EHMT1: variants seen among roughly 807,000 people sequenced by gnomAD.
EHMT1 encodes histone-lysine N-methyltransferase EHMT1.
Under a neutral mutation model 147.2 loss-of-function variants are expected in EHMT1, and 15 were observed. The ratio of observed to expected loss-of-function variants is 0.10; its 90% CI spans 0.07 to 0.16. The LOEUF (loss-of-function observed/expected upper bound fraction) is 0.16, where lower values mean the gene tolerates loss of function less well. Among genes scored for constraint, EHMT1 ranks in the 10% least tolerant of loss-of-function variants. The pLI is 1.00. For synonymous variants in EHMT1, 795 were observed against 709.6 expected (o/e 1.12, Z -1.91); for missense variants, 1,587 against 1,772.4 (o/e 0.90, Z 1.88).
At chr9:137,671,439 AG>A (rs1940616168) in intron 1 of EHMT1, among the ~76,000 whole-genome samples, 1 of 151,852 alleles carries the variant, frequency 6.6e-6, no homozygotes, top group African/African-American at 2.4e-5. Flanking sequence ...AAAAACCTGA[AG>A]GGAAGATGAC....
At chr9:137,785,793 A>G (rs12002515) in intron 15 of EHMT1, 7,442 of 152,314 alleles carry the variant, frequency 0.049, 601 homozygotes, top group African/African-American at 0.17. Flanking sequence ...CGTGAGACAC[A>G]GCGTTGCTGG....
chr9:137,715,692 A>G, intron 2 of EHMT1: 1 of 985,320 alleles, frequency 1.0e-6, no homozygotes, highest in Non-Finnish European at 1.2e-6. Flanking sequence ...CCTGGATATG[A>G]TTTCCTGGGG....
At chr9:137,767,002 T>C (rs949471440) in intron 10 of EHMT1, among the ~76,000 whole-genome samples, 7 of 152,148 alleles carry the variant, frequency 4.6e-5, no homozygotes, top group Non-Finnish European at 7.4e-5. Flanking sequence ...TATTTTTATT[T>C]TGTAGAGATG....
rs1251920588 is a variant in EHMT1, at chr9:137,723,214, C to T, written c.643-5135C>T. ...GTGTCTGTGGTTCTGGGCCTGAGCC[C>T]GGGGTGTGCCTGTGTCCGTGGTTCT... On this transcript the variant is annotated intron_variant, in intron 3 of 26. Coordinates refer to ENST00000460843, the MANE Select transcript of EHMT1 (RefSeq NM_024757.5). Among the ~76,000 whole-genome samples the T allele has an allele frequency of 3.9e-5, 3 of 77,278 alleles. 1 individual carries two copies. Among genetic ancestry groups the T allele is most frequent in the Non-Finnish European group, 5.2e-5 (2 of 38,184 alleles). 50.7% of individuals were successfully genotyped at this position (77,278 alleles called of 152,430 possible). A position where few individuals can be genotyped will look rare whatever the true frequency, so the allele number is the denominator to read the frequency against.
chr9:137,815,392 C>G (rs1416067104), intron 22 of EHMT1: 2 of 202,498 alleles, frequency 9.9e-6, no homozygotes, highest in East Asian at 1.1e-4. Context: ...CAGAGCAGCC[C>G]CTGAAGCCGT....
At chr9:137,805,422 G>A (rs1953866428) in intron 18 of EHMT1, among the ~76,000 whole-genome samples, 1 of 152,182 alleles carries the variant, frequency 6.6e-6, no homozygotes, top group African/African-American at 2.4e-5. Flanking sequence ...GTCCACATGT[G>A]TGTAAAGTCA....
intron 21 of EHMT1, 175 bp from the exon 22 acceptor site, chr9:137,814,256 C>A (rs911953743): frequency 1.4e-5 from 10 of 713,830 alleles, no homozygotes; most frequent in Admixed American, 1.2e-4. Context: ...CACAGGCACT[C>A]GACATGTTTC....
intron 1 of EHMT1, among the ~76,000 whole-genome samples, chr9:137,628,240 C>T (rs1157153633): frequency 6.6e-6 from 1 of 152,182 alleles, no homozygotes; most frequent in Non-Finnish European, 1.5e-5. Context: ...TTTCTCCTTC[C>T]TCTACTCTGT....
intron 6 of EHMT1, among the ~76,000 whole-genome samples, chr9:137,748,446 C>T (rs1432430498): frequency 6.6e-6 from 1 of 152,136 alleles, no homozygotes; most frequent in African/African-American, 2.4e-5. Context: ...TGGGGCCGTC[C>T]TGGAGGAGGT....
At chr9:137,630,845 G>A (rs907298794) in intron 1 of EHMT1, among the ~76,000 whole-genome samples, 25 of 152,110 alleles carry the variant, frequency 1.6e-4, no homozygotes, top group African/African-American at 5.6e-4. Flanking sequence ...AAGCTGGAGA[G>A]GCAGGGCAAG....
At chr9:137,779,109 A>G (rs973961215) in intron 13 of EHMT1, among the ~76,000 whole-genome samples, 3 of 152,202 alleles carry the variant, frequency 2.0e-5, no homozygotes, top group Non-Finnish European at 2.9e-5. Flanking sequence ...TTTCAACGTG[A>G]GTTTTGGGAG....
At chr9:137,665,384 C>T (rs930581912) in intron 1 of EHMT1, among the ~76,000 whole-genome samples, 4 of 152,104 alleles carry the variant, frequency 2.6e-5, no homozygotes, top group Non-Finnish European at 4.4e-5. Context: ...CTCGAACCTG[C>T]GTCGTGCAGG....
intron 1 of EHMT1, among the ~76,000 whole-genome samples, chr9:137,703,648 C>G (rs1944021352): frequency 6.6e-6 from 1 of 152,166 alleles, no homozygotes. Context: ...TCATCTCCAT[C>G]TGAGACCTCC....
intron 15 of EHMT1, chr9:137,784,317 C>CT (rs1951793530): frequency 7.4e-7 from 1 of 1,349,614 alleles, no homozygotes; most frequent in South Asian, 2.1e-5. Context: ...TTCACAGCCT[C>CT]GTAGCCTCTT....
intron 10 of EHMT1, among the ~76,000 whole-genome samples, chr9:137,768,529 ATTTTTTTTTTTTTTTTTTTTTTTT>A (rs947901899): frequency 0.053 from 978 of 18,294 alleles, 28 homozygotes; most frequent in African/African-American, 0.14. Context: ...AATTTTTTGT[ATTTTTTTTTTTTTTTTTTTTTTTT>A]TTTTTTTTTT....
intron 10 of EHMT1, among the ~76,000 whole-genome samples, chr9:137,773,077 A>C (rs1323327911): frequency 1.3e-5 from 2 of 152,238 alleles, no homozygotes; most frequent in African/African-American, 4.8e-5. Flanking sequence ...TTGTAAAATA[A>C]TCCAGATACT....
In EHMT1 at chr9:137,797,556, G is replaced by A. The variant is rs554175604; in HGVS notation, c.2506-1257G>A. ...AGATTGTCAGCTGCACTATTCCAGC[G>A]ATTAAAGACACTTGAAAATTAAGGC... On this transcript the variant is annotated intron_variant, in intron 16 of 26. Transcript: ENST00000460843. Among the ~76,000 whole-genome samples the A allele has an allele frequency of 3.0e-4, 46 of 152,268 alleles. 1 individual carries two copies. The highest frequency in any genetic ancestry group is 1.1e-3 in the African/African-American group (45 of 41,544).
At chr9:137,740,263 C>T (rs1053622145) in intron 4 of EHMT1, among the ~76,000 whole-genome samples, 7 of 152,146 alleles carry the variant, frequency 4.6e-5, no homozygotes, top group African/African-American at 1.7e-4. Context: ...CCTCCCCGAG[C>T]GTCCTGTGAG....
chr9:137,722,400 G>A (rs1946149609), intron 3 of EHMT1, among the ~76,000 whole-genome samples: 1 of 152,238 alleles, frequency 6.6e-6, no homozygotes, highest in South Asian at 2.1e-4. Flanking sequence ...CTGGTCTGTT[G>A]TAGGAAAAGA....
Sources: gnomAD v4.1 joint callset for allele counts (sites outside exome capture counted in the v4.1 genomes callset) on GRCh38, gnomAD v4.1.1 for gene constraint, MANE v1.5 for transcripts, NCBI Gene and HGNC (gene_info 2026-07-23, HGNC 2026-07-21) for gene names.